ATP2A3: variants seen among roughly 807,000 people sequenced by gnomAD.
ATP2A3 encodes the protein ATPase sarcoplasmic/endoplasmic reticulum Ca2+ transporting 3.
In ATP2A3, 61 loss-of-function variants were observed where a neutral mutation model predicts 106.8. That is an observed-to-expected ratio of 0.57 (90% CI 0.46 to 0.71). ATP2A3 has a LOEUF of 0.71. Ranked by LOEUF, ATP2A3 falls within the 30% of genes least tolerant of loss-of-function variation. The pLI is 0.00. For missense variants in ATP2A3, 1,201 were observed against 1,423.5 expected (o/e 0.84, Z 2.52); for synonymous variants, 611 against 609.3 (o/e 1.00, Z -0.04).
rs1475848096 is a variant in ATP2A3 at position 3,964,403 on chromosome 17, A to T, written c.-112T>A. 1 of 485,724 alleles carries T rather than the reference A, an allele frequency of 2.1e-6. No homozygotes were observed. The highest frequency in any genetic ancestry group is 2.8e-6 in the Non-Finnish European group (1 of 359,996). 30.1% of individuals were successfully genotyped at this position (485,724 alleles called of 1,614,324 possible). On this transcript the variant is annotated 5_prime_UTR_variant, in exon 1 of 21. The change abolishes an upstream ATG in the 5' untranslated region. Transcript: ENST00000397041. ...GCCCGGGCGGGCGCCGCGCGAGGCC[A>T]TGTCCGTGCTGGGACCTTACCCGAC...
rs1463949341 is a variant in ATP2A3 at position 3,937,538 on chromosome 17, C to A, written c.2199G>T (p.Met733Ile). ...GTAVAKSAAE[M>I]VLSDDNFASI... ...AGGCAAAGTTGTCATCTGACAGCAC[C>A]ATCTCTGCCGCCGACTTGGCCACGG... Residue 733 changes from methionine to isoleucine, a missense_variant, in exon 15 of 21, where the codon ATG becomes ATT. Met to Ile is a conservative substitution (Grantham distance 10). Coordinates refer to ENST00000397041, the MANE Select transcript of ATP2A3 (RefSeq NM_005173.4). The A allele has an allele frequency of 6.2e-7, 1 of 1,614,100 alleles. No homozygotes were observed.
rs1239645908 is a variant in ATP2A3 at position 3,941,596 on chromosome 17, G to T, written c.1604C>A (p.Ala535Glu). The T allele has an allele frequency of 1.9e-6, 3 of 1,612,612 alleles. No homozygotes were observed. Among genetic ancestry groups the T allele is most frequent in the Non-Finnish European group, 1.7e-6 (2 of 1,180,012 alleles). Residue 535 changes from alanine (A) to glutamate (E), a missense_variant, in exon 13 of 21, where the codon GCA (alanine) becomes GAA (glutamate). Ala to Glu is a moderately radical substitution (Grantham distance 107). Transcript: ENST00000397041. Reference protein sequence around the residue: ...CSSVRVGSRTAPLTPTSREQI... With the variant: ...CSSVRVGSRTEPLTPTSREQI... ...CTCCCTGGAGGTGGGGGTCAGGGGT[G>T]CTGTGCGGCTCCCCACGCGGACTGA... is the stretch of plus-strand genomic sequence containing the variant.
Position 3,925,443 on chromosome 17 carries a change from T to C in ATP2A3, c.2981-2A>G, listed in dbSNP as rs1386441155. 1 of 1,613,462 alleles carries C rather than the reference T, an allele frequency of 6.2e-7. No individual in the cohort carries two copies. The highest frequency in any genetic ancestry group is 8.5e-7 in the Non-Finnish European group (1 of 1,179,840). ...GCGCTCACTTCTGGCTCATTTCTTC[T>C]GGAAGAAAAACCCAAGAGCGCGTTA... On this transcript the variant is annotated splice_acceptor_variant, in intron 20 of 20. Coordinates refer to ENST00000397041, the MANE Select transcript of ATP2A3 (RefSeq NM_005173.4). LOFTEE classifies it high-confidence loss of function. The surrounding 1 kb of genome is among the most constrained non-coding windows in gnomAD (Gnocchi z 4.2).
intron 1 of ATP2A3, among the ~76,000 whole-genome samples, chr17:3,959,506 G>C (rs768854141): frequency 7.2e-5 from 11 of 152,176 alleles, no homozygotes; most frequent in Non-Finnish European, 1.6e-4. Flanking sequence ...GGGGGTAAGC[G>C]ATGCCCCTGG....
At chr17:3,932,699 C>A (rs1354148137) in intron 17 of ATP2A3, among the ~76,000 whole-genome samples, 1 of 152,106 alleles carries the variant, frequency 6.6e-6, no homozygotes, top group Non-Finnish European at 1.5e-5. Context: ...CTTGGCATCC[C>A]AGAGTGCTGG....
At position 3,928,018 on chromosome 17, in the gene ATP2A3, G is replaced by A. The variant is rs755791013; in HGVS notation, c.2980+645C>T. 28 of 1,614,092 alleles carry A rather than the reference G, an allele frequency of 1.7e-5. No homozygotes were observed. The highest frequency in any genetic ancestry group is 2.3e-5 in the Non-Finnish European group (27 of 1,180,034). ...CCTCTCTGAGCAGCTCTGACAGCGA[G>A]ACGATGCTGTGTCCCTGGCCCTTGG... On this transcript the variant is annotated intron_variant, in intron 20 of 20. Transcript: ENST00000397041. This position sits in a 1 kb window ranked among gnomAD's most constrained non-coding sequence, Gnocchi z 6.1.
intron 3 of ATP2A3, among the ~76,000 whole-genome samples, chr17:3,952,417 GAGCATCAGTGGGAATGGAGGAAC>G (rs2054502719): frequency 1.3e-5 from 2 of 152,200 alleles, no homozygotes; most frequent in Admixed American, 1.3e-4. Flanking sequence ...TTAGCCAGGG[GAGCATCAGTGGGAATGGAGGAAC>G]AGCAAGGAGA....
rs749927673 is a variant in ATP2A3, at chr17:3,941,071, C to A, written c.2000G>T (p.Arg667Leu). 2 of 1,613,484 alleles carry A rather than the reference C, an allele frequency of 1.2e-6. No individual in the cohort carries two copies. The highest frequency in any genetic ancestry group is 1.7e-6 in the Non-Finnish European group (2 of 1,179,632). ...GCAGCGGGCGGTGCGGCAGGCCTGG[C>A]GCTGCTGCTCGGGGCTGAGGTCATC... ...EFDDLSPEQQ[R>L]QACRTARCFA... The change falls in exon 14 of 21, where the codon CGC (arginine) becomes CTC (leucine). Residue 667 changes from arginine to leucine, a missense_variant. By Grantham distance (102) the Arg-to-Leu change is moderately radical. Coordinates refer to ENST00000397041, the MANE Select transcript of ATP2A3 (RefSeq NM_005173.4).
chr17:3,958,793 C>CACATAT (rs1431974303), intron 1 of ATP2A3, among the ~76,000 whole-genome samples: 2 of 142,308 alleles, frequency 1.4e-5, no homozygotes, highest in African/African-American at 5.5e-5. Context: ...TATATATACA[C>CACATAT]ATATATATAC....
rs1032107053 is a variant in ATP2A3 at position 3,945,089 on chromosome 17, C to G, written c.1155G>C (p.Ser385=). Residue 385 remains serine, a synonymous_variant, in exon 9 of 21, where the codon TCG becomes TCC. Coordinates refer to ENST00000397041, the MANE Select transcript of ATP2A3 (RefSeq NM_005173.4). The stretch of plus-strand genomic sequence containing the variant: ...CGCCCTCGGGGGTATACGTGGTACC[C>G]GAGATGGTGAACTCGTGCAAAAGGC... ...GSCLLHEFTI[S]GTTYTPEGEV... 66 of 1,547,650 alleles carry G rather than the reference C, an allele frequency of 4.3e-5. No homozygotes were observed. In the East Asian group the frequency reaches 6.9e-4, roughly 16 times the overall value.
chr17:3,944,925 G>A, intron 9 of ATP2A3, 119 bp from the exon 10 acceptor site: 4 of 1,312,880 alleles, frequency 3.0e-6, no homozygotes, highest in Admixed American at 2.9e-5. Context: ...GAAGGGCTCC[G>A]CCTCCTGGCC....
In ATP2A3 at chr17:3,936,213, T is replaced by A. The variant is rs2053432781; in HGVS notation, c.2524+54A>T. 1 of 1,604,334 alleles carries A rather than the reference T, an allele frequency of 6.2e-7. No individual in the cohort carries two copies. Among genetic ancestry groups the A allele is most frequent in the African/African-American group, 1.3e-5 (1 of 74,818 alleles). On this transcript the variant is annotated intron_variant, in intron 16 of 20. Transcript: ENST00000397041. The surrounding 1 kb of genome is among the most constrained non-coding windows in gnomAD (Gnocchi z 5.4). Reference sequence around the variant, plus strand: ...CACTGTCTGCAGCTTGCAAGCCTGATACAAGGCTCTTAGGAAGCTTAGGAA... The same window carrying A: ...CACTGTCTGCAGCTTGCAAGCCTGAAACAAGGCTCTTAGGAAGCTTAGGAA...
At position 3,958,701 on chromosome 17, in the gene ATP2A3, C is replaced by CATATATAT. The variant is rs147879049; in HGVS notation, c.119-4999_119-4992dup. Among the ~76,000 whole-genome samples the CATATATAT allele has an allele frequency of 2.5e-4, 31 of 125,030 alleles. 1 individual carries two copies. Among genetic ancestry groups the CATATATAT allele is most frequent in the African/African-American group, 8.7e-4 (25 of 28,682 alleles). The allele number at this position is 125,030 out of a possible 152,430, so 82.0% of individuals were successfully genotyped here. On this transcript the variant is annotated intron_variant, in intron 1 of 20. Coordinates refer to ENST00000397041, the MANE Select transcript of ATP2A3 (RefSeq NM_005173.4). The stretch of plus-strand genomic sequence containing the variant: ...TTTGCAAAACCTTCTCCTCCTCATT[C>CATATATAT]ATATATATATATATATACACATATA...
intron 10 of ATP2A3, 27 bp downstream of exon 10, chr17:3,944,677 G>A: frequency 1.2e-6 from 2 of 1,606,210 alleles, no homozygotes; most frequent in Non-Finnish European, 8.5e-7. Flanking sequence ...GGATACTAGG[G>A]AGGTCATGAA....
intron 1 of ATP2A3, among the ~76,000 whole-genome samples, chr17:3,956,803 C>T (rs2054807799): frequency 6.6e-6 from 1 of 152,192 alleles, no homozygotes. Context: ...GACTGATACC[C>T]CCTCCGCTGT....
intron 11 of ATP2A3, 22 bp downstream of exon 11, chr17:3,943,369 C>A (rs1205060920): frequency 2.5e-6 from 4 of 1,612,990 alleles, no homozygotes; most frequent in Non-Finnish European, 3.4e-6. Context: ...AGCCGGAGGC[C>A]TGAGCCCCCA....
In ATP2A3 at chr17:3,936,452, A is replaced by G; in HGVS notation, c.2339T>C (p.Ile780Thr). 1 of 1,614,064 alleles carries G rather than the reference A, an allele frequency of 6.2e-7. No individual in the cohort carries two copies. The highest frequency in any genetic ancestry group is 8.5e-7 in the Non-Finnish European group (1 of 1,180,026). Residue 780 changes from isoleucine to threonine, a missense_variant, in exon 16 of 21, where the codon ATT becomes ACT. This residue lies in a region of ATP2A3 where 935 missense variants were observed against 1,176.7 expected (regional missense o/e 0.79). Transcript: ENST00000397041. The surrounding 1 kb of genome is among the most constrained non-coding windows in gnomAD (Gnocchi z 5.4). ...GATCAGGGCTTCGGGCAGGCCCAGA[A>G]TTGCCGTGAGGAAGATGCTGGAACA... ...GEVVCIFLTA[I>T]LGLPEALIPV...
At position 3,929,776 on chromosome 17, in the gene ATP2A3, A is replaced by AC. The variant is rs1400067381; in HGVS notation, c.2745-332dup. Among the ~76,000 whole-genome samples, 7 of 148,488 alleles carry AC rather than the reference A, an allele frequency of 4.7e-5. No homozygotes were observed. Among genetic ancestry groups the AC allele is most frequent in the Admixed American group, 1.3e-4 (2 of 14,926 alleles). On this transcript the variant is annotated intron_variant, in intron 18 of 20. Coordinates refer to ENST00000397041, the MANE Select transcript of ATP2A3 (RefSeq NM_005173.4). This position sits in a 1 kb window ranked among gnomAD's most constrained non-coding sequence, Gnocchi z 4.3. ...GGATCCCAATCTTGGACCCCCACTG[A>AC]CCCCCAGACCCTAATCCTGGACCCC...
At position 3,953,168 on chromosome 17, in the gene ATP2A3, C is replaced by T; in HGVS notation, c.219+179G>A. The T allele has an allele frequency of 1.4e-6, 1 of 702,380 alleles. No individual in the cohort carries two copies. Among genetic ancestry groups the T allele is most frequent in the South Asian group, 1.6e-5 (1 of 62,844 alleles). The allele number at this position is 702,380 out of a possible 1,614,324, so 43.5% of individuals were successfully genotyped here. ...GGGAGCCGGGGACCCAATGTAGGGGCCATGAGGGTTCAGGCAAGGGAAGCT... is the reference window on the plus strand; with the variant it reads ...GGGAGCCGGGGACCCAATGTAGGGGTCATGAGGGTTCAGGCAAGGGAAGCT... On this transcript the variant is annotated intron_variant, in intron 3 of 20. Transcript: ENST00000397041. This position sits in a 1 kb window ranked among gnomAD's most constrained non-coding sequence, Gnocchi z 5.1.
Sources: gnomAD v4.1 joint callset for allele counts (sites outside exome capture counted in the v4.1 genomes callset) on GRCh38, gnomAD v4.1.1 for gene constraint, gnomAD v4.1.1 regional missense constraint, Gnocchi (gnomAD v3.1) non-coding constraint, MANE v1.5 for transcripts, NCBI Gene and HGNC (gene_info 2026-07-23, HGNC 2026-07-21) for gene names.